TMEM164: variants seen among roughly 807,000 people sequenced by gnomAD.
TMEM164 encodes transmembrane protein 164.
In TMEM164, 4 loss-of-function variants were observed where a neutral mutation model predicts 18.8. The observed-to-expected ratio is 0.21, with a 90% CI of 0.10 to 0.49. The LOEUF (loss-of-function observed/expected upper bound fraction) is 0.49. Among genes scored for constraint, TMEM164 ranks in the 20% least tolerant of loss-of-function variants. The pLI, the probability that TMEM164 is intolerant of heterozygous loss-of-function variation, is 0.98. For missense variants in TMEM164, 108 were observed against 239.9 expected, an observed-to-expected ratio of 0.45 and a Z score of 3.63; for synonymous variants, 86 against 101.7, an observed-to-expected ratio of 0.85 and a Z score of 0.93.
At chrX:110,140,769 G>T (rs1353291446) in intron 4 of TMEM164, among the ~76,000 whole-genome samples, 1 of 112,253 alleles carries the variant, frequency 8.9e-6, no homozygotes, top group African/African-American at 3.2e-5. Context: ...TATAACCTCA[G>T]GATTCCTCCA....
chrX:110,095,844 A>ATGG (rs1171983047), intron 3 of TMEM164, among the ~76,000 whole-genome samples: 2 of 112,012 alleles, frequency 1.8e-5, no homozygotes, highest in African/African-American at 6.5e-5. Flanking sequence ...TTTGATGATG[A>ATGG]TGACGTACAG....
At chrX:110,122,911 A>G (rs1394333495) in intron 4 of TMEM164, among the ~76,000 whole-genome samples, 3 of 112,314 alleles carry the variant, frequency 2.7e-5, no homozygotes, top group Non-Finnish European at 5.6e-5. Flanking sequence ...AAAATATTTT[A>G]ATTTTGATAA....
chrX:110,152,513 C>A (rs1243141440), intron 5 of TMEM164, among the ~76,000 whole-genome samples: 1 of 111,334 alleles, frequency 9.0e-6, no homozygotes, highest in Non-Finnish European at 1.9e-5. Flanking sequence ...ACATTTAAGT[C>A]TTTTATTCAC....
intron 3 of TMEM164, among the ~76,000 whole-genome samples, chrX:110,069,671 G>A (rs757434401): frequency 2.8e-5 from 3 of 107,600 alleles, no homozygotes; most frequent in African/African-American, 6.8e-5. Context: ...TGCCCGCCTC[G>A]GCCTCCCAAA....
chrX:110,028,630 T>G (rs1435867368), intron 2 of TMEM164, among the ~76,000 whole-genome samples: 1 of 112,358 alleles, frequency 8.9e-6, no homozygotes, highest in Non-Finnish European at 1.9e-5. Flanking sequence ...TAACAGTTTT[T>G]TCCTAAATGT....
chrX:110,020,214 C>T, intron 2 of TMEM164: 1 of 178,800 alleles, frequency 5.6e-6, no homozygotes, highest in Non-Finnish European at 8.8e-6. Context: ...TTTGTATCCC[C>T]CGCACAGCTT....
At chrX:110,006,681 C>G (rs925550993) in intron 2 of TMEM164, among the ~76,000 whole-genome samples, 1 of 111,728 alleles carries the variant, frequency 9.0e-6, no homozygotes. Flanking sequence ...CCCAGAATAC[C>G]ATAATACCTT....
intron 5 of TMEM164, among the ~76,000 whole-genome samples, chrX:110,154,581 G>A (rs1338141317): frequency 1.8e-5 from 2 of 111,225 alleles, no homozygotes; most frequent in African/African-American, 6.6e-5. Flanking sequence ...TGCCACGCCC[G>A]GCTAGTTTTT....
intron 2 of TMEM164, among the ~76,000 whole-genome samples, chrX:110,021,250 A>G (rs1476238515): frequency 8.9e-6 from 1 of 112,004 alleles, no homozygotes; most frequent in East Asian, 2.8e-4. Flanking sequence ...GATTCAATGG[A>G]CAAAGGAAGC....
At chrX:110,164,994 C>A (rs2067141559) in intron 5 of TMEM164, among the ~76,000 whole-genome samples, 1 of 112,656 alleles carries the variant, frequency 8.9e-6, no homozygotes, top group South Asian at 3.6e-4. Flanking sequence ...TGTTGCCTAT[C>A]CTGTTCCCTT....
At chrX:110,004,423 C>A (rs1222467526) in intron 2 of TMEM164, among the ~76,000 whole-genome samples, 1 of 111,183 alleles carries the variant, frequency 9.0e-6, no homozygotes, top group East Asian at 2.8e-4. Flanking sequence ...GCTGCCCCTC[C>A]CTTCCAGCCC....
At chrX:110,046,981 G>C (rs1935341944) in intron 2 of TMEM164, among the ~76,000 whole-genome samples, 1 of 111,924 alleles carries the variant, frequency 8.9e-6, no homozygotes, top group South Asian at 3.7e-4. Context: ...ATTGAGTCCG[G>C]ATATTGGAGT....
intron 3 of TMEM164, among the ~76,000 whole-genome samples, chrX:110,085,577 T>C (rs889355650): frequency 9.0e-6 from 1 of 111,140 alleles, no homozygotes; most frequent in African/African-American, 3.3e-5. Context: ...TCATATTGGT[T>C]AGAACCCTTT....
chrX:110,153,998 T>A (rs1356251592), intron 5 of TMEM164, among the ~76,000 whole-genome samples: 1 of 111,923 alleles, frequency 8.9e-6, no homozygotes, highest in Non-Finnish European at 1.9e-5. Context: ...TTTTCATTTT[T>A]AAAAAATATT....
downstream of TMEM164, among the ~76,000 whole-genome samples, chrX:110,180,490 C>A (rs368166814): frequency 9.9e-6 from 1 of 101,142 alleles, no homozygotes; most frequent in Admixed American, 9.8e-5. Flanking sequence ...CCTGAACCCC[C>A]CCGCCCCGCC....
At chrX:110,009,711 C>G (rs888678779) in intron 2 of TMEM164, among the ~76,000 whole-genome samples, 6 of 111,671 alleles carry the variant, frequency 5.4e-5, no homozygotes, top group African/African-American at 2.0e-4. Context: ...AGAGAATCTT[C>G]CAGCCAGGCA....
intron 3 of TMEM164, among the ~76,000 whole-genome samples, chrX:110,073,525 T>A (rs2065627323): frequency 8.9e-6 from 1 of 112,287 alleles, no homozygotes. Flanking sequence ...GGTATACATG[T>A]ACTATATTTT....
intron 2 of TMEM164, among the ~76,000 whole-genome samples, chrX:110,032,534 A>G (rs1461000952): frequency 8.9e-6 from 1 of 111,827 alleles, no homozygotes; most frequent in Admixed American, 9.5e-5. Context: ...GCAGAACTCA[A>G]AACTCAGAGA....
chrX:110,031,880 TATC>T (rs1438108557), intron 2 of TMEM164, among the ~76,000 whole-genome samples: 2 of 109,138 alleles, frequency 1.8e-5, no homozygotes, highest in Non-Finnish European at 3.8e-5. Context: ...TTATTATTAT[TATC>T]ATTATACTTT....
Sources: allele counts gnomAD v4.1 joint callset (sites outside exome capture counted in the v4.1 genomes callset), GRCh38; gene constraint gnomAD v4.1.1; transcripts MANE v1.5; gene names NCBI Gene and HGNC (gene_info 2026-07-23, HGNC 2026-07-21).